The following LCOR variants were observed in gnomAD, a reference collection of about 807,000 sequenced individuals.
LCOR encodes ligand dependent nuclear receptor corepressor, also known as ligand-dependent corepressor.
LCOR carries 14 observed loss-of-function variants against 64.4 expected under a neutral mutation model. The ratio of observed to expected loss-of-function variants is 0.22; its 90% CI spans 0.14 to 0.34. The LOEUF is 0.34. Ranked by LOEUF, LCOR falls within the 10% of genes least tolerant of loss-of-function variation. The probability of loss-of-function intolerance (pLI) is 1.00; values close to 1 mark genes in which losing one functional copy is unlikely to be tolerated. For missense variants in LCOR, 1,686 were observed against 1,765.3 expected, an observed-to-expected ratio of 0.96 and a Z score of 0.80; for synonymous variants, 643 against 642.5, an observed-to-expected ratio of 1.00 and a Z score of -0.01.
chr10:96,849,315 C>T (rs1176184489), intron 2 of LCOR, among the ~76,000 whole-genome samples: 2 of 152,134 alleles, frequency 1.3e-5, no homozygotes, highest in South Asian at 2.1e-4. Flanking sequence ...TCTCGTGATC[C>T]ACCCACCTTG....
chr10:96,875,733 G>A (rs1564612080), intron 2 of LCOR, among the ~76,000 whole-genome samples: 1 of 151,928 alleles, frequency 6.6e-6, no homozygotes, highest in East Asian at 1.9e-4. Context: ...GTGGTGGGGT[G>A]CCTGTATAGT....
At chr10:96,885,429 T>C (rs1846326238) in intron 2 of LCOR, among the ~76,000 whole-genome samples, 1 of 152,144 alleles carries the variant, frequency 6.6e-6, no homozygotes, top group African/African-American at 2.4e-5. Context: ...TTTCCCAGGC[T>C]GGAGTGCAGT....
chr10:96,862,110 G>A (rs1330056731), intron 2 of LCOR, among the ~76,000 whole-genome samples: 2 of 152,186 alleles, frequency 1.3e-5, no homozygotes, highest in Non-Finnish European at 2.9e-5. Context: ...TACAGGTGAA[G>A]AGATGCATAG....
At chr10:96,911,211 C>G (rs1218951712) in intron 4 of LCOR, among the ~76,000 whole-genome samples, 1 of 150,616 alleles carries the variant, frequency 6.6e-6, no homozygotes, top group Non-Finnish European at 1.5e-5. Flanking sequence ...GATTCTCATG[C>G]CTTAGCCTCC....
Position 96,901,361 on chromosome 10 carries a change from A to T in LCOR, c.-329-5904A>T, listed in dbSNP as rs1357694440. Among the ~76,000 whole-genome samples, 3 of 152,114 alleles carry T rather than the reference A, an allele frequency of 2.0e-5. No individual in the cohort carries two copies. The East Asian group carries it at 5.8e-4, about 29-fold the overall frequency. ...GTTTAGCATTTACATTTACCAGTGAAATGACTGGTAGTCTAAATCTCTTTC... is the reference window on the plus strand; with the variant it reads ...GTTTAGCATTTACATTTACCAGTGATATGACTGGTAGTCTAAATCTCTTTC... On this transcript the variant is annotated intron_variant, in intron 2 of 7. Transcript: ENST00000421806.
chr10:96,889,388 A>G (rs970537266), intron 2 of LCOR, among the ~76,000 whole-genome samples: 19 of 152,206 alleles, frequency 1.2e-4, no homozygotes, highest in Admixed American at 9.2e-4. Flanking sequence ...CTTATTTCTT[A>G]TAGTTCTGAA....
At chr10:96,833,260 C>T (rs1348531379) in intron 1 of LCOR, 146 bp from the exon 2 acceptor site, 3 of 953,666 alleles carry the variant, frequency 3.1e-6, no homozygotes, top group South Asian at 4.8e-5. Flanking sequence ...GCCCCGTCCG[C>T]CCCCCGCCTC....
At chr10:96,916,326 C>T (rs981151631) in intron 4 of LCOR, among the ~76,000 whole-genome samples, 4 of 151,990 alleles carry the variant, frequency 2.6e-5, no homozygotes, top group Admixed American at 6.6e-5. Flanking sequence ...CCACCACACC[C>T]GGCCCCCTTG....
At chr10:96,845,448 C>CATTT (rs1491407295) in intron 2 of LCOR, among the ~76,000 whole-genome samples, 1 of 67,150 alleles carries the variant, frequency 1.5e-5, no homozygotes. Flanking sequence ...ATGGGCTTAT[C>CATTT]CTTTTTTTTT....
intron 7 of LCOR, among the ~76,000 whole-genome samples, chr10:96,969,774 CTTT>C (rs58881683): frequency 2.4e-5 from 3 of 124,114 alleles, no homozygotes; most frequent in Non-Finnish European, 5.1e-5. Flanking sequence ...TTTTTTTTTT[CTTT>C]TTTTTTTTTT....
At chr10:96,937,951 T>A (rs537937323) in intron 4 of LCOR, among the ~76,000 whole-genome samples, 1 of 152,178 alleles carries the variant, frequency 6.6e-6, no homozygotes, top group Non-Finnish European at 1.5e-5. Flanking sequence ...TTTATTTATT[T>A]ATTTATTATT....
At chr10:96,912,607 T>TTTCTTCCTTCCTTC (rs1554836477) in intron 4 of LCOR, among the ~76,000 whole-genome samples, 1 of 140,294 alleles carries the variant, frequency 7.1e-6, no homozygotes, top group African/African-American at 2.9e-5. Flanking sequence ...TTTCTTCCTT[T>TTTCTTCCTTCCTTC]CTTCCTTCCT....
chr10:96,853,166 C>T (rs551716011), intron 2 of LCOR, among the ~76,000 whole-genome samples: 81 of 152,276 alleles, frequency 5.3e-4, no homozygotes, highest in Non-Finnish European at 9.6e-4. Flanking sequence ...ATTCTCCTGC[C>T]TCAGTCTCCT....
At chr10:96,897,067 GAGAGAGAA>G (rs1846549535) in intron 2 of LCOR, among the ~76,000 whole-genome samples, 2 of 125,844 alleles carry the variant, frequency 1.6e-5, no homozygotes, top group Admixed American at 1.6e-4. Flanking sequence ...GAGAGAGAGA[GAGAGAGAA>G]AGAGAAAGAG....
chr10:96,991,209 C>A lies in LCOR; in HGVS notation c.*6075C>A, dbSNP rs1848198286. The A allele has an allele frequency of 6.6e-6, 1 of 151,544 alleles. No individual in the cohort carries two copies. The highest frequency in any genetic ancestry group is 2.1e-4 in the South Asian group (1 of 4,812). 9.4% of individuals were successfully genotyped at this position (151,544 alleles called of 1,614,324 possible). On this transcript the variant is annotated 3_prime_UTR_variant, in exon 8 of 8. Transcript: ENST00000421806. ...ATTTTTTTCATACAGTCCAGCAATT[C>A]TTTTAGATTTTAGAGTGTCTTGCCT...
intron 6 of LCOR, among the ~76,000 whole-genome samples, chr10:96,950,753 C>G (rs921505010): frequency 1.3e-5 from 2 of 151,960 alleles, no homozygotes; most frequent in Admixed American, 6.6e-5. Context: ...CCAAAAACCA[C>G]AATATTTTTA....
intron 7 of LCOR, chr10:96,956,530 C>T (rs958921053): frequency 1.0e-6 from 1 of 984,284 alleles, no homozygotes; most frequent in African/African-American, 1.7e-5. Flanking sequence ...ATTTTCTTCT[C>T]ACTATTAAAT....
intron 2 of LCOR, among the ~76,000 whole-genome samples, chr10:96,891,362 T>A (rs1015260524): frequency 6.6e-6 from 1 of 151,824 alleles, no homozygotes; most frequent in African/African-American, 2.4e-5. Flanking sequence ...CCAGTTTTAT[T>A]CCTGATTTTA....
In LCOR at chr10:96,952,213, G is replaced by A. The variant is rs548769487; in HGVS notation, c.332+17G>A. The A allele has an allele frequency of 1.3e-6, 2 of 1,545,964 alleles. No homozygotes were observed. The highest frequency in any genetic ancestry group is 1.4e-5 in the African/African-American group (1 of 73,616). On this transcript the variant is annotated intron_variant, in intron 7 of 7. Coordinates refer to ENST00000421806, the MANE Select transcript of LCOR (RefSeq NM_001346516.2). Reference sequence around the variant, plus strand: ...AGGGAACGGGTAAGGGAGAATATTTGTAGCCTTACACAGTTTCATATAGAT... The same window carrying A: ...AGGGAACGGGTAAGGGAGAATATTTATAGCCTTACACAGTTTCATATAGAT...
Sources: gnomAD v4.1 joint callset for allele counts (sites outside exome capture counted in the v4.1 genomes callset) on GRCh38, gnomAD v4.1.1 for gene constraint, MANE v1.5 for transcripts, NCBI Gene and HGNC (gene_info 2026-07-23, HGNC 2026-07-21) for gene names.